ACSF2: variants seen among roughly 807,000 people sequenced by gnomAD.
ACSF2 encodes the protein medium-chain acyl-CoA ligase ACSF2, mitochondrial.
Under a neutral mutation model 79.3 loss-of-function variants are expected in ACSF2, and 52 were observed. That is an observed-to-expected ratio of 0.66 (90% CI 0.53 to 0.83). ACSF2 has a LOEUF of 0.83. Ranked by LOEUF, ACSF2 falls within the 40% of genes least tolerant of loss-of-function variation. The pLI, the probability that ACSF2 is intolerant of heterozygous loss-of-function variation, is 0.00. For synonymous variants in ACSF2, 283 were observed against 312.6 expected, an observed-to-expected ratio of 0.91 and a Z score of 1.00; for missense variants, 661 against 803.3, an observed-to-expected ratio of 0.82 and a Z score of 2.14.
chr17:50,431,856 T>A (rs1004855980), intron 1 of ACSF2, among the ~76,000 whole-genome samples: 8 of 152,200 alleles, frequency 5.3e-5, no homozygotes, highest in Non-Finnish European at 1.2e-4. Context: ...AATGAACCAC[T>A]TTCTAGCTGA....
intron 1 of ACSF2, among the ~76,000 whole-genome samples, chr17:50,459,107 TCAC>T (rs1392667666): frequency 5.9e-5 from 9 of 152,258 alleles, no homozygotes; most frequent in Non-Finnish European, 1.2e-4. Context: ...ACAGAGCACT[TCAC>T]CATTCGCAAA....
intron 1 of ACSF2, among the ~76,000 whole-genome samples, chr17:50,458,795 A>C (rs555054489): frequency 6.6e-6 from 1 of 152,362 alleles, no homozygotes; most frequent in African/African-American, 2.4e-5. Context: ...CCCAGGGCCC[A>C]GGTCTAAGAG....
chr17:50,437,135 C>T (rs749525674), intron 1 of ACSF2, among the ~76,000 whole-genome samples: 28 of 152,204 alleles, frequency 1.8e-4, no homozygotes, highest in Non-Finnish European at 2.9e-4. Context: ...TGTGGCTTGG[C>T]GAGTGGCACA....
intron 10 of ACSF2, 23 bp downstream of exon 10, chr17:50,464,317 G>A (rs777111979): frequency 6.2e-7 from 1 of 1,612,132 alleles, no homozygotes; most frequent in South Asian, 1.1e-5. Flanking sequence ...TGCGGCCCGG[G>A]CTGTGGGCAG....
intron 1 of ACSF2, among the ~76,000 whole-genome samples, chr17:50,449,106 T>G (rs2031491549): frequency 7.0e-6 from 1 of 143,802 alleles, no homozygotes; most frequent in East Asian, 2.2e-4. Context: ...AACTTCTGCC[T>G]CCTGGGTTCA....
chr17:50,470,497 C>T (rs183119889), intron 10 of ACSF2, among the ~76,000 whole-genome samples: 117 of 152,050 alleles, frequency 7.7e-4, no homozygotes, highest in Non-Finnish European at 1.3e-3. Context: ...GCTTGGGGGA[C>T]GCCTGCCCCA....
intron 1 of ACSF2, among the ~76,000 whole-genome samples, chr17:50,453,474 T>C (rs764481696): frequency 2.8e-4 from 42 of 151,974 alleles, no homozygotes; most frequent in Non-Finnish European, 5.3e-4. Flanking sequence ...TCCCAAAATG[T>C]TGGGGTTACA....
chr17:50,469,285 C>T (rs923707927), intron 10 of ACSF2, among the ~76,000 whole-genome samples: 13 of 152,226 alleles, frequency 8.5e-5, no homozygotes, highest in Non-Finnish European at 1.3e-4. Flanking sequence ...CACGCTCGGC[C>T]GGGTGCCCTG....
chr17:50,457,938 A>C (rs1031474680), intron 1 of ACSF2, among the ~76,000 whole-genome samples: 1 of 152,114 alleles, frequency 6.6e-6, no homozygotes, highest in Non-Finnish European at 1.5e-5. Context: ...ATTCTGTTAA[A>C]AATTCAGATT....
At chr17:50,452,648 G>T (rs59683821) in intron 1 of ACSF2, among the ~76,000 whole-genome samples, 1 of 151,964 alleles carries the variant, frequency 6.6e-6, no homozygotes, top group Non-Finnish European at 1.5e-5. Flanking sequence ...AAACCTGCAC[G>T]TTCTACACGT....
At position 50,426,938 on chromosome 17, in the gene ACSF2, G is replaced by A. The variant is rs745454212; in HGVS notation, c.128+549G>A. 1.3e-5 allele frequency: 20 copies of A among 1,535,628 alleles called. No individual in the cohort carries two copies. The South Asian group carries it at 1.9e-4, about 15-fold the overall frequency. On this transcript the variant is annotated intron_variant, in intron 1 of 15. Coordinates refer to ENST00000300441, the MANE Select transcript of ACSF2 (RefSeq NM_025149.6). The stretch of plus-strand genomic sequence containing the variant: ...GTGGGATGGAAGCTGGCAGGCAGAG[G>A]ATTTCAGTTCCCAGTAGCTTCACTG...
intron 4 of ACSF2, among the ~76,000 whole-genome samples, chr17:50,461,951 T>TGTGCGC (rs112810352): frequency 6.7e-6 from 1 of 150,366 alleles, no homozygotes; most frequent in African/African-American, 2.5e-5. Flanking sequence ...TGTGTGTGTG[T>TGTGCGC]GCGTGTGTCC....
chr17:50,468,577 T>C (rs1203520417), intron 10 of ACSF2: 1 of 1,614,062 alleles, frequency 6.2e-7, no homozygotes, highest in African/African-American at 1.3e-5. Context: ...GCAGGTGCAA[T>C]GACACGAGGT....
At chr17:50,429,346 T>A (rs1010319) in intron 1 of ACSF2, among the ~76,000 whole-genome samples, 81,016 of 151,800 alleles carry the variant, frequency 0.53, 22,068 homozygotes, top group Middle Eastern at 0.67. Flanking sequence ...GAATTCTGAC[T>A]GATTTGAAAG....
rs201378440 is a variant in ACSF2 at position 50,436,756 on chromosome 17, C to T, written c.128+10367C>T. Among the ~76,000 whole-genome samples the T allele has an allele frequency of 5.2e-4, 77 of 147,904 alleles. 3 individuals carry two copies. The East Asian group carries it at 0.015, about 29-fold the overall frequency. Reference sequence around the variant, plus strand: ...GGCAGTTCTTTTTTTTTTTTTTTTCCTGAGGCTCTTTTTATGCTTTTAATG... The same window carrying T: ...GGCAGTTCTTTTTTTTTTTTTTTTCTTGAGGCTCTTTTTATGCTTTTAATG... On this transcript the variant is annotated intron_variant, in intron 1 of 15. Coordinates refer to ENST00000300441, the MANE Select transcript of ACSF2 (RefSeq NM_025149.6).
intron 9 of ACSF2, 86 bp from the exon 10 acceptor site, chr17:50,464,132 G>A: frequency 1.4e-6 from 2 of 1,443,538 alleles, no homozygotes; most frequent in Non-Finnish European, 2.0e-6. Flanking sequence ...AAAAGGGAAT[G>A]TTCCTCCCCT....
Position 50,460,892 on chromosome 17 carries a change from C to T in ACSF2, c.324+20C>T, listed in dbSNP as rs370674405. ...GAGGAGGTGGGTCCTGACCTGGAAA[C>T]CTCAAAGTGGGCAAGTACTAGCTCC... On this transcript the variant is annotated intron_variant, in intron 2 of 15. Transcript: ENST00000300441. The T allele has an allele frequency of 2.3e-5, 37 of 1,598,002 alleles. 1 individual carries two copies. The African/African-American group carries it at 4.7e-4, about 20-fold the overall frequency.
chr17:50,461,300 G>A lies in ACSF2; in HGVS notation c.383G>A (p.Gly128Asp). The stretch of plus-strand genomic sequence containing the variant: ...GGCCTCTGCAAAGGTGACCGGCTGG[G>A]CATGTGGGGACCTAACTCCTATGCA... ...SIGLCKGDRLGMWGPNSYAWV... is the reference protein window; with the variant it reads ...SIGLCKGDRLDMWGPNSYAWV... Residue 128 changes from glycine (G) to aspartate (D), a missense_variant, in exon 3 of 16, where the codon GGC becomes GAC. Gly to Asp is a moderately conservative substitution (Grantham distance 94). Coordinates refer to ENST00000300441, the MANE Select transcript of ACSF2 (RefSeq NM_025149.6). The A allele has an allele frequency of 1.2e-6, 2 of 1,614,200 alleles. No individual in the cohort carries two copies. Among genetic ancestry groups the A allele is most frequent in the Middle Eastern group, 3.3e-4 (2 of 6,062 alleles).
In ACSF2 at chr17:50,463,409, GC is replaced by G; in HGVS notation, c.904del (p.Arg302GlyfsTer2). 3 of 1,614,042 alleles carry G rather than the reference GC, an allele frequency of 1.9e-6. No individual in the cohort carries two copies. The highest frequency in any genetic ancestry group is 2.5e-6 in the Non-Finnish European group (3 of 1,180,000). ...KLHEKTPEQL[R>X]MILPNPLYHC... The stretch of plus-strand genomic sequence containing the variant: ...TCCATCACCAGACACCAGAGCAGTT[GC>G]GGATGATCCTGCCCAACCCCCTGTA... On this transcript the variant is annotated frameshift_variant, in exon 8 of 16. Transcript: ENST00000300441. LOFTEE classifies it high-confidence loss of function. This position sits in a 1 kb window ranked among gnomAD's most constrained non-coding sequence, Gnocchi z 4.6.
Sources: gnomAD v4.1 joint callset for allele counts (sites outside exome capture counted in the v4.1 genomes callset) on GRCh38, gnomAD v4.1.1 for gene constraint, Gnocchi (gnomAD v3.1) non-coding constraint, MANE v1.5 for transcripts, NCBI Gene and HGNC (gene_info 2026-07-23, HGNC 2026-07-21) for gene names.